The following ANO2 variants were observed in gnomAD, a reference collection of about 807,000 sequenced individuals.
ANO2 encodes the protein anoctamin-2.
A neutral mutation model predicts 124.2 loss-of-function variants in ANO2; 101 were observed. The ratio of observed to expected loss-of-function variants is 0.81; its 90% confidence interval spans 0.69 to 0.96. ANO2 has a LOEUF of 0.96. ANO2 is among the 40% of genes least tolerant of loss of function. ANO2 has a pLI of 0.00. For missense variants in ANO2, 1,293 were observed against 1,274.5 expected (o/e 1.01, Z -0.22); for synonymous variants, 486 against 482.5 (o/e 1.01, Z -0.09).
At chr12:5,729,854 C>A (rs529411079) in intron 14 of ANO2, among the ~76,000 whole-genome samples, 1 of 152,168 alleles carries the variant, frequency 6.6e-6, no homozygotes, top group South Asian at 2.1e-4. Context: ...CTGATATATG[C>A]TACAATATGA....
At chr12:5,637,339 A>ATGTGTGTGTG (rs10700184) in intron 15 of ANO2, among the ~76,000 whole-genome samples, 6 of 148,996 alleles carry the variant, frequency 4.0e-5, no homozygotes, top group Admixed American at 1.3e-4. Flanking sequence ...GAGTGAGTGA[A>ATGTGTGTGTG]TGTGTGTGTG....
At chr12:5,738,983 G>T in intron 13 of ANO2, 1 of 429,018 alleles carries the variant, frequency 2.3e-6, no homozygotes, top group Non-Finnish European at 4.6e-6. Flanking sequence ...ACATATCCCT[G>T]ACTCTCTGGC....
intron 14 of ANO2, among the ~76,000 whole-genome samples, chr12:5,726,416 A>G (rs1038996510): frequency 6.6e-6 from 1 of 152,214 alleles, no homozygotes; most frequent in Non-Finnish European, 1.5e-5. Context: ...TTAGTTTAGG[A>G]AAGAAGAATC....
chr12:5,614,174 T>C (rs1444010774), intron 17 of ANO2, among the ~76,000 whole-genome samples: 1 of 152,256 alleles, frequency 6.6e-6, no homozygotes, highest in African/African-American at 2.4e-5. Context: ...TTTATCAAAG[T>C]GATTTTACAT....
chr12:5,668,288 AT>A (rs1947834681), intron 14 of ANO2, among the ~76,000 whole-genome samples: 1 of 151,984 alleles, frequency 6.6e-6, no homozygotes, highest in African/African-American at 2.4e-5. Context: ...TTTGATTTGC[AT>A]TTCTCTAATG....
intron 3 of ANO2, among the ~76,000 whole-genome samples, chr12:5,905,105 G>C (rs1940581895): frequency 6.6e-6 from 1 of 152,186 alleles, no homozygotes; most frequent in African/African-American, 2.4e-5. Flanking sequence ...CTCAGGCTCA[G>C]GGTTTGAATC....
At chr12:5,656,962 G>A (rs1369722290) in intron 14 of ANO2, among the ~76,000 whole-genome samples, 1 of 152,190 alleles carries the variant, frequency 6.6e-6, no homozygotes, top group Non-Finnish European at 1.5e-5. Flanking sequence ...GCAGCAGGCC[G>A]AGGTCATCTA....
intron 13 of ANO2, among the ~76,000 whole-genome samples, chr12:5,734,503 G>A (rs892759988): frequency 6.6e-5 from 10 of 152,186 alleles, no homozygotes; most frequent in African/African-American, 1.7e-4. Flanking sequence ...TCAGCTGACC[G>A]ACAGGATGTT....
rs547813373 is a variant in ANO2, at chr12:5,744,050, A to G, written c.1351+107T>C. On this transcript the variant is annotated intron_variant, in intron 12 of 24. Coordinates refer to ENST00000682330, the MANE Select transcript of ANO2 (RefSeq NM_001364791.2). ...TTAAAATACTTCTTGTGATGGGAAGAAAAAATGCGAAAGTAAGTAACCTGA... is the reference window on the plus strand; with the variant it reads ...TTAAAATACTTCTTGTGATGGGAAGGAAAAATGCGAAAGTAAGTAACCTGA... The G allele has an allele frequency of 3.4e-4, 473 of 1,380,526 alleles. 1 individual carries two copies. Among genetic ancestry groups the G allele is most frequent in the Middle Eastern group, 7.5e-4 (3 of 4,016 alleles). The allele number at this position is 1,380,526 out of a possible 1,614,324, so 85.5% of individuals were successfully genotyped here.
At chr12:5,574,654 G>A (rs760927409) in intron 23 of ANO2, among the ~76,000 whole-genome samples, 28 of 151,946 alleles carry the variant, frequency 1.8e-4, no homozygotes, top group African/African-American at 5.6e-4. Flanking sequence ...AATTCCTCCC[G>A]CCACCCTGGT....
chr12:5,903,647 A>ATGTGTG (rs143239619), intron 3 of ANO2, among the ~76,000 whole-genome samples: 11,294 of 148,476 alleles, frequency 0.076, 470 homozygotes, highest in Non-Finnish European at 0.086. Flanking sequence ...ATGTGCAAAG[A>ATGTGTG]TGTGTGTGTG....
chr12:5,859,925 T>A (rs942944003), intron 3 of ANO2, among the ~76,000 whole-genome samples: 12 of 152,340 alleles, frequency 7.9e-5, no homozygotes, highest in African/African-American at 2.6e-4. Context: ...ACAAAGAGGC[T>A]AAGTTACGTC....
intron 1 of ANO2, among the ~76,000 whole-genome samples, chr12:5,923,271 C>T (rs1006196577): frequency 6.9e-5 from 10 of 144,176 alleles, no homozygotes; most frequent in Non-Finnish European, 1.3e-4. Flanking sequence ...CACACACACA[C>T]ACACACACGC....
chr12:5,673,579 G>A (rs1279992696), intron 14 of ANO2, among the ~76,000 whole-genome samples: 1 of 152,158 alleles, frequency 6.6e-6, no homozygotes, highest in African/African-American at 2.4e-5. Context: ...CCAGTGCTTG[G>A]TTCATAGTAG....
At chr12:5,912,456 G>A (rs369386086) in intron 3 of ANO2, among the ~76,000 whole-genome samples, 2 of 152,162 alleles carry the variant, frequency 1.3e-5, no homozygotes, top group Admixed American at 6.5e-5. Flanking sequence ...AGGCTAAAAC[G>A]AGCATCAGAG....
intron 1 of ANO2, among the ~76,000 whole-genome samples, chr12:5,923,235 TAC>T (rs1316767124): frequency 3.3e-5 from 3 of 91,920 alleles, no homozygotes; most frequent in Admixed American, 1.0e-4. Flanking sequence ...CATGCACACA[TAC>T]ACACACGCAT....
At chr12:5,784,925 C>T (rs1952498605) in intron 10 of ANO2, among the ~76,000 whole-genome samples, 1 of 152,150 alleles carries the variant, frequency 6.6e-6, no homozygotes, top group South Asian at 2.1e-4. Flanking sequence ...TGCAACTCAC[C>T]AGTTGTTTAT....
chr12:5,795,531 A>G (rs1382305583), intron 10 of ANO2, among the ~76,000 whole-genome samples: 1 of 152,190 alleles, frequency 6.6e-6, no homozygotes, highest in Non-Finnish European at 1.5e-5. Context: ...ACAGGCTGCA[A>G]TCCCTCTGAG....
intron 4 of ANO2, among the ~76,000 whole-genome samples, chr12:5,837,799 A>C (rs995698833): frequency 1.3e-5 from 2 of 151,904 alleles, no homozygotes; most frequent in Non-Finnish European, 2.9e-5. Context: ...CACAATTAAA[A>C]GAACTAGAAA....
Sources: allele counts gnomAD v4.1 joint callset (sites outside exome capture counted in the v4.1 genomes callset), GRCh38; gene constraint gnomAD v4.1.1; transcripts MANE v1.5; gene names NCBI Gene and HGNC (gene_info 2026-07-23, HGNC 2026-07-21).